LRRC4C: variants seen among roughly 807,000 people sequenced by gnomAD.
LRRC4C encodes leucine rich repeat containing 4C, also known as leucine-rich repeat-containing protein 4C.
A neutral mutation model predicts 33.6 loss-of-function variants in LRRC4C; 5 were observed. The observed-to-expected ratio is 0.15, with a 90% CI of 0.08 to 0.31. The LOEUF (loss-of-function observed/expected upper bound fraction) is 0.31. LRRC4C is among the 10% of genes least tolerant of loss of function. LRRC4C has a pLI of 1.00. For synonymous variants in LRRC4C, 329 were observed against 302.0 expected (o/e 1.09, Z -0.93); for missense variants, 560 against 796.7 (o/e 0.70, Z 3.58).
intron 3 of LRRC4C, among the ~76,000 whole-genome samples, chr11:40,355,437 T>C (rs1033180107): frequency 4.6e-5 from 7 of 152,162 alleles, no homozygotes; most frequent in African/African-American, 1.7e-4. Flanking sequence ...CTTTCAAGTT[T>C]ATTTAGGAAC....
At chr11:41,038,006 CAGA>C (rs913626314) in intron 1 of LRRC4C, among the ~76,000 whole-genome samples, 15 of 152,218 alleles carry the variant, frequency 9.9e-5, no homozygotes, top group African/African-American at 3.6e-4. Context: ...CCAACCACCA[CAGA>C]AGAACTATGC....
chr11:41,380,715 C>T (rs896046787), intron 1 of LRRC4C, among the ~76,000 whole-genome samples: 1 of 151,972 alleles, frequency 6.6e-6, no homozygotes, highest in Non-Finnish European at 1.5e-5. Flanking sequence ...AAGGAATTTG[C>T]CAAATCCATT....
At chr11:40,815,847 T>G (rs1184577190) in intron 2 of LRRC4C, among the ~76,000 whole-genome samples, 1 of 152,348 alleles carries the variant, frequency 6.6e-6, no homozygotes, top group South Asian at 2.1e-4. Flanking sequence ...CAGTGCTATA[T>G]GATTATGTGT....
intron 3 of LRRC4C, among the ~76,000 whole-genome samples, chr11:40,453,072 C>G (rs975928599): frequency 6.6e-6 from 1 of 151,832 alleles, no homozygotes; most frequent in Non-Finnish European, 1.5e-5. Context: ...AGGAGATATA[C>G]CTAATGTTAA....
In LRRC4C at chr11:41,039,172, G is replaced by T. The variant is rs964753831; in HGVS notation, c.-495-105449C>A. Among the ~76,000 whole-genome samples the T allele has an allele frequency of 2.6e-5, 4 of 152,118 alleles. No homozygotes were observed. The East Asian group carries it at 5.8e-4, about 22-fold the overall frequency. ...GGCTGGGCAGTTATGGACTCCACAG[G>T]GGTCGTATATAACCTTACTGCATGC... On this transcript the variant is annotated intron_variant, in intron 1 of 6. Transcript: ENST00000528697.
intron 1 of LRRC4C, among the ~76,000 whole-genome samples, chr11:40,948,002 A>T (rs958895487): frequency 6.6e-6 from 1 of 152,056 alleles, no homozygotes; most frequent in Non-Finnish European, 1.5e-5. Flanking sequence ...GAGAAGTTAG[A>T]ACTGATATCT....
intron 3 of LRRC4C, among the ~76,000 whole-genome samples, chr11:40,343,693 T>A (rs1590378615): frequency 1.0e-5 from 1 of 96,878 alleles, no homozygotes. Flanking sequence ...GAATAACGAA[T>A]CCAGGAGTTG....
At chr11:40,779,383 A>T (rs890229312) in intron 2 of LRRC4C, among the ~76,000 whole-genome samples, 6 of 152,320 alleles carry the variant, frequency 3.9e-5, no homozygotes, top group African/African-American at 1.4e-4. Flanking sequence ...GGGGAGTTTT[A>T]TACCTATATT....
rs1159181527 is a variant in LRRC4C at position 40,352,554 on chromosome 11, A to G, written c.-269-32833T>C. ...ATATCTTCTTATACTATGTCTTGAT[A>G]AGTTGTTGTGGTTATTAGTTTTGAT... On this transcript the variant is annotated intron_variant, in intron 3 of 6. Coordinates refer to ENST00000528697, the MANE Select transcript of LRRC4C (RefSeq NM_001258419.2). 1.3e-5 allele frequency among the ~76,000 whole-genome samples: 2 copies of G among 152,038 alleles called. 1 individual carries two copies. The highest frequency in any genetic ancestry group is 1.3e-4 in the Admixed American group (2 of 15,256).
intron 1 of LRRC4C, among the ~76,000 whole-genome samples, chr11:41,247,045 C>T (rs974426851): frequency 6.6e-6 from 1 of 152,236 alleles, no homozygotes; most frequent in Admixed American, 6.5e-5. Context: ...TCATTACAGC[C>T]TTCATTTCAG....
intron 1 of LRRC4C, among the ~76,000 whole-genome samples, chr11:41,205,838 G>A (rs1324346622): frequency 6.6e-6 from 1 of 152,094 alleles, no homozygotes; most frequent in Admixed American, 6.5e-5. Flanking sequence ...AGTAATCTGA[G>A]TCTTAGAGAA....
At chr11:40,614,705 C>A (rs1263328293) in intron 3 of LRRC4C, among the ~76,000 whole-genome samples, 1 of 151,562 alleles carries the variant, frequency 6.6e-6, no homozygotes, top group African/African-American at 2.4e-5. Flanking sequence ...TGTGAGTCTT[C>A]CCTTCATTTG....
At chr11:41,306,392 CTT>C (rs1391172123) in intron 1 of LRRC4C, among the ~76,000 whole-genome samples, 1 of 152,214 alleles carries the variant, frequency 6.6e-6, no homozygotes, top group Non-Finnish European at 1.5e-5. Flanking sequence ...AAAATTGAGA[CTT>C]CACTTTGTTT....
intron 2 of LRRC4C, among the ~76,000 whole-genome samples, chr11:40,881,899 CTT>C (rs1346999516): frequency 1.3e-5 from 2 of 152,072 alleles, no homozygotes; most frequent in Non-Finnish European, 2.9e-5. Flanking sequence ...GGCAGGTACT[CTT>C]CTATTAAACA....
intron 2 of LRRC4C, among the ~76,000 whole-genome samples, chr11:40,714,022 A>C (rs1203305320): frequency 5.9e-5 from 9 of 152,158 alleles, no homozygotes; most frequent in Admixed American, 5.2e-4. Flanking sequence ...AATTGCTTTT[A>C]CGGAAGCCAG....
intron 2 of LRRC4C, among the ~76,000 whole-genome samples, chr11:40,795,814 G>A (rs1319550371): frequency 6.6e-6 from 1 of 152,168 alleles, no homozygotes; most frequent in Non-Finnish European, 1.5e-5. Context: ...GTTCTGTAAT[G>A]TGTAAATTAC....
At chr11:40,295,999 C>T (rs941833638) in intron 4 of LRRC4C, among the ~76,000 whole-genome samples, 2 of 152,050 alleles carry the variant, frequency 1.3e-5, no homozygotes, top group African/African-American at 4.8e-5. Context: ...AGCTAGAAGC[C>T]ATTTGAAATG....
chr11:40,835,684 T>C lies in LRRC4C; in HGVS notation c.-407+97951A>G, dbSNP rs188189668. ...ATGACATATATGAAAATTCTAGATA[T>C]CACAAAGAAAGACATAAGCCCATTG... On this transcript the variant is annotated intron_variant, in intron 2 of 6. Coordinates refer to ENST00000528697, the MANE Select transcript of LRRC4C (RefSeq NM_001258419.2). Among the ~76,000 whole-genome samples, 211 of 152,202 alleles carry C rather than the reference T, an allele frequency of 1.4e-3. 1 individual carries two copies. Among genetic ancestry groups the C allele is most frequent in the African/African-American group, 4.9e-3 (202 of 41,530 alleles).
intron 2 of LRRC4C, among the ~76,000 whole-genome samples, chr11:40,810,364 A>T (rs971142931): frequency 6.6e-6 from 1 of 152,156 alleles, no homozygotes; most frequent in Non-Finnish European, 1.5e-5. Context: ...TAAGTTATGA[A>T]TGTAGGAGTA....
Sources: allele counts gnomAD v4.1 joint callset (sites outside exome capture counted in the v4.1 genomes callset), GRCh38; gene constraint gnomAD v4.1.1; transcripts MANE v1.5; gene names NCBI Gene and HGNC (gene_info 2026-07-23, HGNC 2026-07-21).